The following UBAP2 variants were observed in gnomAD, a reference collection of about 807,000 sequenced individuals.
The protein encoded by UBAP2 is ubiquitin associated protein 2, also known as ubiquitin-associated protein 2.
UBAP2 carries 75 observed loss-of-function variants against 139.6 expected under a neutral mutation model. The ratio of observed to expected loss-of-function variants is 0.54; its 90% CI spans 0.45 to 0.65. UBAP2 has a LOEUF of 0.65. Ranked by LOEUF, UBAP2 falls within the 30% of genes least tolerant of loss-of-function variation. UBAP2 has a pLI of 0.00. For missense variants in UBAP2, 1,368 were observed against 1,369.6 expected (o/e 1.00, Z 0.02); for synonymous variants, 526 against 526.2 (o/e 1.00, Z 0.01).
At chr9:34,038,873 T>C (rs562119259) in intron 1 of UBAP2, among the ~76,000 whole-genome samples, 195 of 136,936 alleles carry the variant, frequency 1.4e-3, no homozygotes, top group African/African-American at 5.2e-3. Flanking sequence ...GTCTGAGATG[T>C]GGGGAGCGCC....
intron 20 of UBAP2, 97 bp from the exon 21 acceptor site, chr9:33,927,177 C>G: frequency 1.1e-6 from 1 of 891,968 alleles, no homozygotes; most frequent in Admixed American, 2.6e-5. Context: ...TGAGCTACCC[C>G]AGATGGGTTC....
chr9:34,041,970 A>G (rs573994426), intron 1 of UBAP2, among the ~76,000 whole-genome samples: 52 of 152,158 alleles, frequency 3.4e-4, no homozygotes, highest in African/African-American at 1.3e-3. Flanking sequence ...TGTTGCAGTG[A>G]GCCAGGATCG....
chr9:34,044,005 C>T (rs1827331079), intron 1 of UBAP2, among the ~76,000 whole-genome samples: 1 of 148,822 alleles, frequency 6.7e-6, no homozygotes. Context: ...GCAGGCTAAT[C>T]GCTTGAACCC....
At chr9:33,943,623 G>A (rs767743660) in intron 14 of UBAP2, 34 bp from the exon 15 acceptor site, 1 of 1,610,318 alleles carries the variant, frequency 6.2e-7, no homozygotes, top group African/African-American at 1.3e-5. Flanking sequence ...CAGGAACAGA[G>A]GTCACAGATT....
chr9:34,016,406 T>A, intron 2 of UBAP2, among the ~76,000 whole-genome samples: 1 of 131,392 alleles, frequency 7.6e-6, no homozygotes, highest in Non-Finnish European at 1.7e-5. Context: ...GTGGTGGTGG[T>A]GGTGGTGGCA....
intron 16 of UBAP2, among the ~76,000 whole-genome samples, chr9:33,939,519 C>G (rs150045065): frequency 6.6e-6 from 1 of 150,762 alleles, no homozygotes; most frequent in African/African-American, 2.4e-5. Context: ...TTTTAATGCT[C>G]TCAGCCATTT....
chr9:33,999,479 T>C (rs1822499950), intron 2 of UBAP2, among the ~76,000 whole-genome samples: 2 of 152,154 alleles, frequency 1.3e-5, no homozygotes, highest in African/African-American at 4.8e-5. Context: ...TCTAAAAAGG[T>C]ATGCTGGTCA....
In UBAP2 at chr9:33,949,195, T is replaced by TA. The variant is rs746956126; in HGVS notation, c.1057-609dup. On this transcript the variant is annotated intron_variant, in intron 12 of 28. Transcript: ENST00000379238. ...AAATAAATAAATAAATAAATAAAAATAAAATAAAATAATAAAAAGTGATGT... is the reference window on the plus strand; with the variant it reads ...AAATAAATAAATAAATAAATAAAAATAAAAATAAAATAATAAAAAGTGATGT... Among the ~76,000 whole-genome samples the TA allele has an allele frequency of 9.8e-4, 146 of 148,490 alleles. 2 individuals are homozygous for TA. The Middle Eastern group carries it at 0.017, about 18-fold the overall frequency.
chr9:33,939,959 A>AG lies in UBAP2; in HGVS notation c.1929+1689dup, dbSNP rs201007873. Among the ~76,000 whole-genome samples the AG allele has an allele frequency of 6.9e-3, 784 of 114,348 alleles. 31 individuals are homozygous for AG. The highest frequency in any genetic ancestry group is 0.026 in the African/African-American group (719 of 27,468). 75.0% of individuals were successfully genotyped at this position (114,348 alleles called of 152,430 possible). On this transcript the variant is annotated intron_variant, in intron 16 of 28. Coordinates refer to ENST00000379238, the MANE Select transcript of UBAP2 (RefSeq NM_001370062.2). ...AGAAGAAGAAAGAGGGAAGGAAGGA[A>AG]GAAGAAGAAAAAATAAGGTAGGAGG... is the stretch of plus-strand genomic sequence containing the variant.
intron 2 of UBAP2, among the ~76,000 whole-genome samples, chr9:34,013,447 C>T (rs1823949568): frequency 2.0e-5 from 3 of 151,674 alleles, no homozygotes; most frequent in Admixed American, 1.3e-4. Context: ...GCTGACATCG[C>T]ACCATTGCAC....
rs551825221 is a variant in UBAP2 at position 33,938,971 on chromosome 9, G to A, written c.1929+2678C>T. The A allele has an allele frequency of 4.3e-5, 19 of 443,758 alleles. No individual in the cohort carries two copies. In the Middle Eastern group the frequency reaches 1.7e-3, roughly 39 times the overall value. The allele number at this position is 443,758 out of a possible 1,614,324, so 27.5% of individuals were successfully genotyped here. A position where few individuals can be genotyped will look rare whatever the true frequency, so the allele number is the denominator to read the frequency against. Reference sequence around the variant, plus strand: ...TGTGGAAGGGGAAGAGAAAAAGGAAGGGAGGATGATCCATCCAAGACGGAC... The same window carrying A: ...TGTGGAAGGGGAAGAGAAAAAGGAAAGGAGGATGATCCATCCAAGACGGAC... On this transcript the variant is annotated intron_variant, in intron 16 of 28. Transcript: ENST00000379238.
chr9:34,008,318 C>CAAAAAAAAAAA, intron 2 of UBAP2, among the ~76,000 whole-genome samples: 2 of 113,006 alleles, frequency 1.8e-5, no homozygotes, highest in Non-Finnish European at 3.7e-5. Flanking sequence ...AACTCCGTCT[C>CAAAAAAAAAAA]AAAAAAAAAA....
intron 11 of UBAP2, among the ~76,000 whole-genome samples, chr9:33,954,267 TATACAC>T (rs1251701141): frequency 2.2e-4 from 22 of 101,680 alleles, no homozygotes; most frequent in East Asian, 1.3e-3. Context: ...AGTGTGTGTA[TATACAC>T]ACACACACAC....
chr9:34,043,163 C>T (rs10971866), intron 1 of UBAP2, among the ~76,000 whole-genome samples: 12,072 of 152,166 alleles, frequency 0.079, 683 homozygotes, highest in Non-Finnish European at 0.12. Flanking sequence ...ATATCATCTA[C>T]GGTATGTATG....
chr9:33,924,180 A>G (rs753991639), intron 23 of UBAP2, 26 bp downstream of exon 23: 14 of 1,612,546 alleles, frequency 8.7e-6, no homozygotes, highest in Admixed American at 3.3e-5. Flanking sequence ...GCCCCGGGCT[A>G]CTCCTCATCC....
chr9:33,948,404 T>C lies in UBAP2; in HGVS notation c.1240A>G (p.Thr414Ala), dbSNP rs374612343. 118 of 1,613,136 alleles carry C rather than the reference T, an allele frequency of 7.3e-5. No individual in the cohort carries two copies. Among genetic ancestry groups the C allele is most frequent in the Middle Eastern group, 1.6e-4 (1 of 6,062 alleles). Reference protein sequence around the residue: ...TTTSWDLKPPTSQSSVLSHLD... With the variant: ...TTTSWDLKPPASQSSVLSHLD... Reference sequence around the variant, plus strand: ...TGACTGAGGACTGAGGACTGGGATGTTGGGGGCTTGAGGTCCCAAGAAGTA... The same window carrying C: ...TGACTGAGGACTGAGGACTGGGATGCTGGGGGCTTGAGGTCCCAAGAAGTA... The change falls in exon 13 of 29, where the codon ACA (threonine) becomes GCA (alanine). Residue 414 changes from threonine (T) to alanine (A), a missense_variant. Thr to Ala is a moderately conservative substitution (Grantham distance 58, BLOSUM62 0). Coordinates refer to ENST00000379238, the MANE Select transcript of UBAP2 (RefSeq NM_001370062.2).
intron 2 of UBAP2, among the ~76,000 whole-genome samples, chr9:34,010,788 G>C (rs941766469): frequency 3.3e-5 from 5 of 151,960 alleles, no homozygotes; most frequent in African/African-American, 9.7e-5. Flanking sequence ...GTAAAATTAT[G>C]GATTACTTGT....
chr9:33,979,697 A>G (rs975397622), intron 6 of UBAP2, among the ~76,000 whole-genome samples: 1 of 151,978 alleles, frequency 6.6e-6, no homozygotes, highest in African/African-American at 2.4e-5. Flanking sequence ...CCTGGCCAAC[A>G]TGGTGAAACC....
In UBAP2 at chr9:34,007,544, T is replaced by A. The variant is rs73481001; in HGVS notation, c.100-8680A>T. On this transcript the variant is annotated intron_variant, in intron 2 of 28. Coordinates refer to ENST00000379238, the MANE Select transcript of UBAP2 (RefSeq NM_001370062.2). ...AGGTATGTTCCTTCCACACTCAGGT[T>A]GTTGATAATCTTTACCACAAAGGGA... is the stretch of plus-strand genomic sequence containing the variant. 2.3e-3 allele frequency among the ~76,000 whole-genome samples: 344 copies of A among 152,148 alleles called. 4 individuals are homozygous for A. Among genetic ancestry groups the A allele is most frequent in the African/African-American group, 7.8e-3 (322 of 41,522 alleles).
Sources: gnomAD v4.1 joint callset for allele counts (sites outside exome capture counted in the v4.1 genomes callset) on GRCh38, gnomAD v4.1.1 for gene constraint, MANE v1.5 for transcripts, NCBI Gene and HGNC (gene_info 2026-07-23, HGNC 2026-07-21) for gene names.